The following ASH1L variants were observed in gnomAD, a reference collection of about 807,000 sequenced individuals.
ASH1L encodes the protein ASH1 like histone lysine methyltransferase.
A neutral mutation model predicts 269.0 loss-of-function variants in ASH1L; 23 were observed. The ratio of observed to expected loss-of-function variants is 0.09; its 90% CI spans 0.06 to 0.12. The LOEUF (loss-of-function observed/expected upper bound fraction) is 0.12. Among genes scored for constraint, ASH1L ranks in the 10% least tolerant of loss-of-function variants. ASH1L has a pLI of 1.00. For missense variants in ASH1L, 2,912 were observed against 3,567.8 expected, an observed-to-expected ratio of 0.82 and a Z score of 4.68; for synonymous variants, 1,187 against 1,253.5, an observed-to-expected ratio of 0.95 and a Z score of 1.12.
rs13375289 is a variant in ASH1L at position 155,502,113 on chromosome 1, C to T, written c.420+18987G>A. ...TGAGACAGAGTCTCACACTGTCATC[C>T]GGGTTGGAGTGCAATGGCGCGATCT... On this transcript the variant is annotated intron_variant, in intron 2 of 27. Transcript: ENST00000392403. 9.9e-3 allele frequency among the ~76,000 whole-genome samples: 1,455 copies of T among 146,730 alleles called. 28 individuals are homozygous for T. Among genetic ancestry groups the T allele is most frequent in the African/African-American group, 0.035 (1,370 of 39,682 alleles).
Position 155,521,492 on chromosome 1 carries a change from C to T in ASH1L, c.28G>A (p.Gly10Arg). Residue 10 changes from glycine to arginine, a missense_variant, in exon 2 of 28, where the codon GGA (glycine) becomes AGA (arginine). Physicochemically the swap from Gly to Arg is moderately radical, Grantham distance 125 (BLOSUM62 -2). Around this residue, in one of 13 missense-constraint regions of ASH1L, gnomAD observed 115 missense variants for 101.5 expected, o/e 1.13. Transcript: ENST00000392403. Reference protein sequence around the residue: MDPRNTAMLGLGSDSEGFSR... With the variant: MDPRNTAMLRLGSDSEGFSR... ...AAACCTTCGGAATCAGAACCCAATC[C>T]TAACATAGCAGTATTTCTAGGGTCC... 1 of 1,613,376 alleles carries T rather than the reference C, an allele frequency of 6.2e-7. No homozygotes were observed. Among genetic ancestry groups the T allele is most frequent in the East Asian group, 2.2e-5 (1 of 44,878 alleles).
chr1:155,406,595 C>T (rs1389830263), intron 6 of ASH1L, among the ~76,000 whole-genome samples: 5 of 151,882 alleles, frequency 3.3e-5, no homozygotes, highest in Non-Finnish European at 5.9e-5. Context: ...TCCAGCTACT[C>T]GGGAGGCTGA....
chr1:155,390,951 G>GT (rs72482023), intron 7 of ASH1L, among the ~76,000 whole-genome samples: 1,435 of 132,796 alleles, frequency 0.011, 22 homozygotes, highest in African/African-American at 0.032. Context: ...ACCTGCCTGT[G>GT]TTTTTTTTTT....
intron 26 of ASH1L, 49 bp from the exon 27 acceptor site, chr1:155,338,439 G>A (rs2148306006): frequency 2.6e-6 from 4 of 1,560,696 alleles, no homozygotes; most frequent in Non-Finnish European, 3.5e-6. Flanking sequence ...AGGAGGAAAA[G>A]GGGATGAAGG....
At chr1:155,557,759 C>A (rs1325083352) in intron 1 of ASH1L, among the ~76,000 whole-genome samples, 3 of 151,944 alleles carry the variant, frequency 2.0e-5, no homozygotes, top group African/African-American at 7.3e-5. Flanking sequence ...AATGAAAAAA[C>A]ACTAAAATTA....
intron 2 of ASH1L, among the ~76,000 whole-genome samples, chr1:155,499,425 G>T (rs1312009764): frequency 2.6e-5 from 4 of 152,184 alleles, no homozygotes; most frequent in South Asian, 4.2e-4. Context: ...CATCTAACTA[G>T]TTACGAAAGA....
intron 1 of ASH1L, among the ~76,000 whole-genome samples, chr1:155,540,133 C>G (rs1670330695): frequency 6.6e-6 from 1 of 152,018 alleles, no homozygotes; most frequent in Non-Finnish European, 1.5e-5. Context: ...TTCTCACTGC[C>G]CTTCATATAT....
At chr1:155,464,243 T>C (rs991296633) in intron 3 of ASH1L, among the ~76,000 whole-genome samples, 2 of 152,228 alleles carry the variant, frequency 1.3e-5, no homozygotes, top group Admixed American at 1.3e-4. Flanking sequence ...TTATATGAAT[T>C]CTAGTTCAAG....
intron 1 of ASH1L, among the ~76,000 whole-genome samples, chr1:155,534,864 T>C (rs896850358): frequency 6.6e-6 from 1 of 152,188 alleles, no homozygotes; most frequent in African/African-American, 2.4e-5. Flanking sequence ...ATGTTATAGA[T>C]TAAACAATGC....
chr1:155,544,761 T>G (rs1670674085), intron 1 of ASH1L, among the ~76,000 whole-genome samples: 1 of 152,078 alleles, frequency 6.6e-6, no homozygotes. Context: ...TATCTTAATA[T>G]AAAATTATCT....
chr1:155,362,330 G>T (rs1655039743), intron 12 of ASH1L, among the ~76,000 whole-genome samples: 1 of 151,484 alleles, frequency 6.6e-6, no homozygotes, highest in South Asian at 2.1e-4. Flanking sequence ...CACCGTGCTT[G>T]ACTTTGTTTT....
intron 7 of ASH1L, among the ~76,000 whole-genome samples, chr1:155,393,006 C>T (rs1038945330): frequency 2.6e-5 from 4 of 152,000 alleles, no homozygotes; most frequent in African/African-American, 9.7e-5. Context: ...ATTTTCAAAG[C>T]CTATTTATCA....
chr1:155,343,437 G>A lies in ASH1L; in HGVS notation c.8170C>T (p.His2724Tyr). ...GHHYFRPHET[H>Y]HSPSRRFYHN... is the part of the protein sequence containing the mutation. Reference sequence around the variant, plus strand: ...TAGAACCGACGGGATGGAGAGTGGTGTGTTTCGTGGGGACGGAAATAATGG... The same window carrying A: ...TAGAACCGACGGGATGGAGAGTGGTATGTTTCGTGGGGACGGAAATAATGG... The change falls in exon 24 of 28, where the codon CAC becomes TAC. Residue 2724 changes from histidine (H) to tyrosine (Y), a missense_variant. By Grantham distance (83) the His-to-Tyr change is moderately conservative. Coordinates refer to ENST00000392403, the MANE Select transcript of ASH1L (RefSeq NM_018489.3). This position sits in a 1 kb window ranked among gnomAD's most constrained non-coding sequence, Gnocchi z 6.1. 1.9e-6 allele frequency: 3 copies of A among 1,614,212 alleles called. No individual in the cohort carries two copies. The highest frequency in any genetic ancestry group is 2.5e-6 in the Non-Finnish European group (3 of 1,180,034).
In ASH1L at chr1:155,438,434, G is replaced by C; in HGVS notation, c.5721C>G (p.Asn1907Lys). Residue 1907 changes from asparagine (N) to lysine (K), a missense_variant, in exon 5 of 28, where the codon AAC (asparagine) becomes AAG (lysine). By Grantham distance (94) the Asn-to-Lys change is moderately conservative. This residue lies in a region of ASH1L where 789 missense variants were observed against 897.6 expected (regional missense o/e 0.88). Transcript: ENST00000392403. ...IEAVVQSVNL[N>K]PEHKKGLKRK... ...TCTTCAACCCCTTTTTATGTTCTGG[G>C]TTCAGATTTACACTCTGAACAACAG... 1 of 1,613,446 alleles carries C rather than the reference G, an allele frequency of 6.2e-7. No homozygotes were observed. Among genetic ancestry groups the C allele is most frequent in the Non-Finnish European group, 8.5e-7 (1 of 1,179,874 alleles).
intron 1 of ASH1L, among the ~76,000 whole-genome samples, chr1:155,536,407 C>T (rs1475468184): frequency 6.6e-6 from 1 of 152,136 alleles, no homozygotes; most frequent in Non-Finnish European, 1.5e-5. Flanking sequence ...AGATCATCTG[C>T]TACTGAATTG....
chr1:155,458,878 A>G (rs1489575327), intron 4 of ASH1L, among the ~76,000 whole-genome samples: 1 of 150,198 alleles, frequency 6.7e-6, no homozygotes, highest in East Asian at 1.9e-4. Context: ...AGTAAAATTA[A>G]TACATTAAAA....
At chr1:155,508,510 T>G (rs1187671183) in intron 2 of ASH1L, among the ~76,000 whole-genome samples, 1 of 152,010 alleles carries the variant, frequency 6.6e-6, no homozygotes, top group Non-Finnish European at 1.5e-5. Flanking sequence ...ATGATGGCAT[T>G]CACCTGTAAT....
rs543331226 is a variant in ASH1L at position 155,451,716 on chromosome 1, G to GA, written c.5086+8080dup. On this transcript the variant is annotated intron_variant, in intron 4 of 27. Coordinates refer to ENST00000392403, the MANE Select transcript of ASH1L (RefSeq NM_018489.3). ...GCCTGGGCGACAGGAGCGAGACTCT[G>GA]AAAAAAAAAAAGAAAAGAAAAGAAA... Among the ~76,000 whole-genome samples the GA allele has an allele frequency of 4.1e-3, 598 of 146,398 alleles. 1 individual carries two copies. Among genetic ancestry groups the GA allele is most frequent in the Non-Finnish European group, 5.1e-3 (336 of 66,190 alleles).
At position 155,370,869 on chromosome 1, in the gene ASH1L, T is replaced by C. The variant is rs1655885241; in HGVS notation, c.6447A>G (p.Glu2149=). 1 of 1,614,196 alleles carries C rather than the reference T, an allele frequency of 6.2e-7. No individual in the cohort carries two copies. Among genetic ancestry groups the C allele is most frequent in the East Asian group, 2.2e-5 (1 of 44,874 alleles). ...CTTTGGTTCTGATTCCCCAACCTTT[T>C]TCCTCAGCTCGAAATCGTTCTAGAC... ...VQCLERFRAE[E]KGWGIRTKEP... Residue 2149 remains glutamate (E), a synonymous_variant, in exon 11 of 28, where the codon GAA becomes GAG. Transcript: ENST00000392403.
Sources: gnomAD v4.1 joint callset for allele counts (sites outside exome capture counted in the v4.1 genomes callset) on GRCh38, gnomAD v4.1.1 for gene constraint, gnomAD v4.1.1 regional missense constraint, Gnocchi (gnomAD v3.1) non-coding constraint, MANE v1.5 for transcripts, NCBI Gene and HGNC (gene_info 2026-07-23, HGNC 2026-07-21) for gene names.